TOP1: variants seen among roughly 807,000 people sequenced by gnomAD.
TOP1 encodes DNA topoisomerase 1.
In TOP1, 10 loss-of-function variants were observed where a neutral mutation model predicts 111.1. That is an observed-to-expected ratio of 0.09 (90% CI 0.06 to 0.15). The LOEUF (loss-of-function observed/expected upper bound fraction) is 0.15, where lower values mean the gene tolerates loss of function less well. TOP1 is among the 10% of genes least tolerant of loss of function. TOP1 has a pLI of 1.00. For synonymous variants in TOP1, 271 were observed against 302.9 expected (o/e 0.89, Z 1.10); for missense variants, 474 against 926.7 (o/e 0.51, Z 6.34).
rs569629183 is a variant in TOP1 at position 41,076,948 on chromosome 20, C to T, written c.280-634C>T. Among the ~76,000 whole-genome samples the T allele has an allele frequency of 2.0e-5, 3 of 152,040 alleles. No individual in the cohort carries two copies. The East Asian group carries it at 5.8e-4, about 29-fold the overall frequency. On this transcript the variant is annotated intron_variant, in intron 4 of 20. Transcript: ENST00000361337. ...GTATATCTGTATGTGTGTGTGTATCCCTTTGTGTGTATATATGAAGATTTT... is the reference window on the plus strand; with the variant it reads ...GTATATCTGTATGTGTGTGTGTATCTCTTTGTGTGTATATATGAAGATTTT...
At chr20:41,091,820 T>C (rs975175060) in intron 8 of TOP1, among the ~76,000 whole-genome samples, 2 of 152,176 alleles carry the variant, frequency 1.3e-5, no homozygotes, top group Non-Finnish European at 2.9e-5. Context: ...CGCCTCGGCC[T>C]CCCAAAGTGC....
chr20:41,084,587 G>T lies in TOP1; in HGVS notation c.614+19G>T, dbSNP rs1374901243. The T allele has an allele frequency of 2.3e-5, 32 of 1,409,536 alleles. No homozygotes were observed. The highest frequency in any genetic ancestry group is 3.1e-5 in the Non-Finnish European group (32 of 1,042,206). 87.3% of individuals were successfully genotyped at this position (1,409,536 alleles called of 1,614,324 possible). On this transcript the variant is annotated intron_variant, in intron 8 of 20. Coordinates refer to ENST00000361337, the MANE Select transcript of TOP1 (RefSeq NM_003286.4). The stretch of plus-strand genomic sequence containing the variant: ...GGAAATGGTAACATCTCAGCACTGG[G>T]TTAAAATGCCACCTTTTTTATTGCA...
At chr20:41,105,083 A>G (rs2034124991) in intron 13 of TOP1, among the ~76,000 whole-genome samples, 2 of 152,228 alleles carry the variant, frequency 1.3e-5, no homozygotes, top group Non-Finnish European at 2.9e-5. Flanking sequence ...ACTGATAAAC[A>G]TAGCTGAAGT....
At chr20:41,089,912 A>T (rs781364805) in intron 8 of TOP1, among the ~76,000 whole-genome samples, 4 of 151,942 alleles carry the variant, frequency 2.6e-5, no homozygotes, top group Non-Finnish European at 4.4e-5. Context: ...GCAGGTGCTT[A>T]TTGGCCACTT....
rs753929755 is a variant in TOP1 at position 41,080,648 on chromosome 20, A to G, written c.431+468A>G. Reference sequence around the variant, plus strand: ...CCCAGATTCAATGAGATTAAATTATATTCATTATTTTCACTCTTATATAGC... The same window carrying G: ...CCCAGATTCAATGAGATTAAATTATGTTCATTATTTTCACTCTTATATAGC... On this transcript the variant is annotated intron_variant, in intron 6 of 20. Transcript: ENST00000361337. This position sits in a 1 kb window ranked among gnomAD's most constrained non-coding sequence, Gnocchi z 5.0. 3.3e-5 allele frequency among the ~76,000 whole-genome samples: 5 copies of G among 152,150 alleles called. No individual in the cohort carries two copies. The highest frequency in any genetic ancestry group is 4.8e-5 in the African/African-American group (2 of 41,428).
Position 41,123,423 on chromosome 20 carries a change from T to G in TOP1, c.*126T>G. ...GCAAGTCTTAACAAACCAACATCTT[T>G]GCGAAAAGATAAACCTGGAGATATT... On this transcript the variant is annotated 3_prime_UTR_variant, in exon 21 of 21. Transcript: ENST00000361337. This position sits in a 1 kb window ranked among gnomAD's most constrained non-coding sequence, Gnocchi z 5.8. 1.6e-6 allele frequency: 1 copy of G among 622,326 alleles called. No homozygotes were observed. The highest frequency in any genetic ancestry group is 2.8e-6 in the Non-Finnish European group (1 of 356,188). 38.6% of individuals were successfully genotyped at this position (622,326 alleles called of 1,614,324 possible).
rs1230031446 is a variant in TOP1 at position 41,067,705 on chromosome 20, G to A, written c.155+6215G>A. On this transcript the variant is annotated intron_variant, in intron 3 of 20. Transcript: ENST00000361337. The surrounding 1 kb of genome is among the most constrained non-coding windows in gnomAD (Gnocchi z 4.0). ...TCCCTTCCTTCTCTGCTAGATATTA[G>A]CACCAATCATTTGTCATCAGGCTAT... Among the ~76,000 whole-genome samples, 1 of 152,132 alleles carries A rather than the reference G, an allele frequency of 6.6e-6. No homozygotes were observed. The highest frequency in any genetic ancestry group is 1.5e-5 in the Non-Finnish European group (1 of 68,026).
intron 2 of TOP1, among the ~76,000 whole-genome samples, chr20:41,057,395 A>G (rs1272745036): frequency 6.6e-6 from 1 of 152,164 alleles, no homozygotes; most frequent in Non-Finnish European, 1.5e-5. Context: ...AAAAAATAAA[A>G]AAAAAAAAGT....
intron 3 of TOP1, among the ~76,000 whole-genome samples, chr20:41,070,592 A>G (rs994025808): frequency 6.6e-6 from 1 of 152,230 alleles, no homozygotes; most frequent in African/African-American, 2.4e-5. Context: ...ACTGTCTACT[A>G]TCCTTGAAAG....
chr20:41,099,604 A>C (rs2034030818), intron 11 of TOP1, among the ~76,000 whole-genome samples: 2 of 152,156 alleles, frequency 1.3e-5, no homozygotes, highest in South Asian at 4.1e-4. Flanking sequence ...GTATACCTAC[A>C]AAAAAATTAG....
In TOP1 at chr20:41,114,932, G is replaced by A. The variant is rs554544086; in HGVS notation, c.1639-439G>A. On this transcript the variant is annotated intron_variant, in intron 15 of 20. Coordinates refer to ENST00000361337, the MANE Select transcript of TOP1 (RefSeq NM_003286.4). This position sits in a 1 kb window ranked among gnomAD's most constrained non-coding sequence, Gnocchi z 4.5. ...GCTGGCTGTGGAAGTACTCTGGACA[G>A]ATTAGATAACAGTATGTATCAATGT... is the stretch of plus-strand genomic sequence containing the variant. 5.3e-5 allele frequency among the ~76,000 whole-genome samples: 8 copies of A among 152,214 alleles called. No individual in the cohort carries two copies. The highest frequency in any genetic ancestry group is 1.2e-4 in the Non-Finnish European group (8 of 68,038).
At position 41,118,316 on chromosome 20, in the gene TOP1, G is replaced by A. The variant is rs2145970470; in HGVS notation, c.1950+20G>A. The stretch of plus-strand genomic sequence containing the variant: ...ACTAAGGTATCTTGGATAAAATGAA[G>A]GGAACTGTGTCTGCTGTGGGCAGAT... On this transcript the variant is annotated intron_variant, in intron 18 of 20. Transcript: ENST00000361337. This position sits in a 1 kb window ranked among gnomAD's most constrained non-coding sequence, Gnocchi z 4.6. The A allele has an allele frequency of 6.2e-7, 1 of 1,613,658 alleles. No homozygotes were observed. Among genetic ancestry groups the A allele is most frequent in the Non-Finnish European group, 8.5e-7 (1 of 1,179,668 alleles).
At chr20:41,104,738 AGTG>A (rs2034118991) in intron 13 of TOP1, among the ~76,000 whole-genome samples, 1 of 152,310 alleles carries the variant, frequency 6.6e-6, no homozygotes, top group South Asian at 2.1e-4. Context: ...GGCCTGGAAA[AGTG>A]GTGCCATTAG....
rs1363854000 is a variant in TOP1, at chr20:41,067,059, G to A, written c.155+5569G>A. Among the ~76,000 whole-genome samples the A allele has an allele frequency of 1.3e-5, 2 of 152,148 alleles. No individual in the cohort carries two copies. The highest frequency in any genetic ancestry group is 2.4e-5 in the African/African-American group (1 of 41,432). On this transcript the variant is annotated intron_variant, in intron 3 of 20. Coordinates refer to ENST00000361337, the MANE Select transcript of TOP1 (RefSeq NM_003286.4). The surrounding 1 kb of genome is among the most constrained non-coding windows in gnomAD (Gnocchi z 4.0). ...ACTTTTAAGTACTTCTTGTTTTGATGTCTACTGACACAGTACCTCTTTGCA... is the reference window on the plus strand; with the variant it reads ...ACTTTTAAGTACTTCTTGTTTTGATATCTACTGACACAGTACCTCTTTGCA...
At chr20:41,057,558 A>AT (rs1331281634) in intron 2 of TOP1, among the ~76,000 whole-genome samples, 1 of 152,142 alleles carries the variant, frequency 6.6e-6, no homozygotes, top group South Asian at 2.1e-4. Flanking sequence ...AGCTTGGTCC[A>AT]TTTTTTACTA....
chr20:41,029,678 C>G lies in TOP1; in HGVS notation c.58+223C>G, dbSNP rs2033092330. On this transcript the variant is annotated intron_variant, in intron 2 of 20. Coordinates refer to ENST00000361337, the MANE Select transcript of TOP1 (RefSeq NM_003286.4). This position sits in a 1 kb window ranked among gnomAD's most constrained non-coding sequence, Gnocchi z 6.1. Reference sequence around the variant, plus strand: ...CTCCCAAGAGGGGACAACGGAGACCCCGTGTCGTCCGCCACCGGGCCTCGG... The same window carrying G: ...CTCCCAAGAGGGGACAACGGAGACCGCGTGTCGTCCGCCACCGGGCCTCGG... The G allele has an allele frequency of 4.9e-6, 3 of 614,742 alleles. No individual in the cohort carries two copies. The highest frequency in any genetic ancestry group is 8.9e-6 in the Non-Finnish European group (3 of 337,058). The allele number at this position is 614,742 out of a possible 1,614,324, so 38.1% of individuals were successfully genotyped here. A position where few individuals can be genotyped will look rare whatever the true frequency, so the allele number is the denominator to read the frequency against.
intron 2 of TOP1, among the ~76,000 whole-genome samples, chr20:41,039,699 G>T (rs548731810): frequency 6.6e-6 from 1 of 152,188 alleles, no homozygotes; most frequent in South Asian, 2.1e-4. Flanking sequence ...ACGAGGTCAG[G>T]AGATCGAGAC....
Position 41,081,160 on chromosome 20 carries a change from T to C in TOP1, c.432-5T>C, listed in dbSNP as rs113366815. ...TTAACTGTGTATTCATGTTCCCCTT[T>C]CTAGTGCTGATTATAAACCTAAGAA... On this transcript the variant is annotated splice_region_variant and splice_polypyrimidine_tract_variant and intron_variant, in intron 6 of 20. Transcript: ENST00000361337. The C allele has an allele frequency of 2.5e-6, 4 of 1,594,034 alleles. No homozygotes were observed. Among genetic ancestry groups the C allele is most frequent in the African/African-American group, 2.7e-5 (2 of 73,890 alleles).
At chr20:41,107,742 T>C (rs994964804) in intron 13 of TOP1, among the ~76,000 whole-genome samples, 1 of 152,254 alleles carries the variant, frequency 6.6e-6, no homozygotes, top group South Asian at 2.1e-4. Context: ...CTTGTGTCTT[T>C]TGAAATTTCT....
Sources: gnomAD v4.1 joint callset for allele counts (sites outside exome capture counted in the v4.1 genomes callset) on GRCh38, gnomAD v4.1.1 for gene constraint, Gnocchi (gnomAD v3.1) non-coding constraint, MANE v1.5 for transcripts, NCBI Gene and HGNC (gene_info 2026-07-23, HGNC 2026-07-21) for gene names.